The following LRRN2 variants were observed in gnomAD, a reference collection of about 807,000 sequenced individuals.
LRRN2 encodes the protein leucine-rich repeat neuronal protein 2.
A neutral mutation model predicts 35.7 loss-of-function variants in LRRN2; 10 were observed. The observed-to-expected ratio is 0.28, with a 90% confidence interval of 0.17 to 0.47. LRRN2 has a LOEUF of 0.47. LRRN2 is among the 20% of genes least tolerant of loss of function. The pLI, the probability that LRRN2 is intolerant of heterozygous loss-of-function variation, is 0.99. For missense variants in LRRN2, 731 were observed against 940.3 expected (o/e 0.78, Z 2.91); for synonymous variants, 391 against 409.6 (o/e 0.95, Z 0.55).
chr1:204,626,818 T>A (rs1008127546), intron 1 of LRRN2: 1 of 152,138 alleles, frequency 6.6e-6, no homozygotes, highest in African/African-American at 2.4e-5. Flanking sequence ...ACGATCTACA[T>A]TAAAAAAATG....
At chr1:204,670,837 A>C (rs1668694330) in intron 1 of LRRN2, among the ~76,000 whole-genome samples, 1 of 152,226 alleles carries the variant, frequency 6.6e-6, no homozygotes, top group South Asian at 2.1e-4. Flanking sequence ...GCCAGACTGA[A>C]GCAGGGCTGG....
chr1:204,619,669 G>A lies in LRRN2; in HGVS notation c.324C>T (p.Ala108=). 2 of 1,614,196 alleles carry A rather than the reference G, an allele frequency of 1.2e-6. No individual in the cohort carries two copies. Among genetic ancestry groups the A allele is most frequent in the Non-Finnish European group, 8.5e-7 (1 of 1,180,012 alleles). ...LDLSQNSFSD[A]RDCDFHALPQ... ...GCAGGGCATGGAAATCACAGTCTCGGGCATCCGAAAAGCTGTTCTGGGACA... is the reference window on the plus strand; with the variant it reads ...GCAGGGCATGGAAATCACAGTCTCGAGCATCCGAAAAGCTGTTCTGGGACA... Residue 108 remains alanine (A), a synonymous_variant, in exon 2 of 2, where the codon GCC becomes GCT. Coordinates refer to ENST00000367177, the MANE Select transcript of LRRN2 (RefSeq NM_201630.2).
chr1:204,671,403 TTGTGTGTG>T (rs60084787), intron 1 of LRRN2, among the ~76,000 whole-genome samples: 218 of 122,990 alleles, frequency 1.8e-3, no homozygotes, highest in African/African-American at 6.0e-3. Flanking sequence ...GTTTGTGTGT[TTGTGTGTG>T]TGTGTGTGTG....
chr1:204,678,517 A>G (rs768901883), intron 1 of LRRN2, among the ~76,000 whole-genome samples: 5 of 152,110 alleles, frequency 3.3e-5, no homozygotes, highest in Non-Finnish European at 7.4e-5. Context: ...ACTCTGAGGA[A>G]AAAATCCCCC....
At chr1:204,630,385 C>G (rs1411049545) in intron 1 of LRRN2, among the ~76,000 whole-genome samples, 1 of 152,098 alleles carries the variant, frequency 6.6e-6, no homozygotes, top group Admixed American at 6.6e-5. Flanking sequence ...GAATGGGGAG[C>G]AGCCCAGTTA....
intron 1 of LRRN2, among the ~76,000 whole-genome samples, chr1:204,623,495 C>G (rs1423236995): frequency 6.6e-6 from 1 of 152,242 alleles, no homozygotes; most frequent in Non-Finnish European, 1.5e-5. Context: ...CACTGCACCT[C>G]TGACCCCAAG....
At chr1:204,654,276 C>T (rs72753878) in intron 1 of LRRN2, among the ~76,000 whole-genome samples, 1 of 152,048 alleles carries the variant, frequency 6.6e-6, no homozygotes, top group Non-Finnish European at 1.5e-5. Flanking sequence ...AGAAGGGGTA[C>T]GAGGAGCCTT....
intron 1 of LRRN2, among the ~76,000 whole-genome samples, chr1:204,651,962 G>A (rs1668234788): frequency 6.6e-6 from 1 of 152,214 alleles, no homozygotes; most frequent in Non-Finnish European, 1.5e-5. Context: ...GCCCCTGCCA[G>A]GGCCCAGGTG....
chr1:204,680,637 G>A (rs1405548343), intron 1 of LRRN2, among the ~76,000 whole-genome samples: 2 of 152,220 alleles, frequency 1.3e-5, no homozygotes, highest in African/African-American at 4.8e-5. Context: ...CCCCCAGCAG[G>A]GATGCACCAG....
chr1:204,680,237 G>A (rs1190937977), intron 1 of LRRN2, among the ~76,000 whole-genome samples: 2 of 152,352 alleles, frequency 1.3e-5, no homozygotes, highest in African/African-American at 4.8e-5. Context: ...TGCAGGTAAA[G>A]CAGTTGGCAC....
chr1:204,662,732 C>G (rs1668497179), intron 1 of LRRN2, among the ~76,000 whole-genome samples: 1 of 152,308 alleles, frequency 6.6e-6, no homozygotes, highest in African/African-American at 2.4e-5. Flanking sequence ...TATCTGGGAA[C>G]TGGGACCTAA....
intron 1 of LRRN2, among the ~76,000 whole-genome samples, chr1:204,685,013 C>G (rs1265479410): frequency 6.6e-6 from 1 of 152,224 alleles, no homozygotes; most frequent in Non-Finnish European, 1.5e-5. Context: ...GGCGAAGGCC[C>G]AGGCGCCCTC....
chr1:204,638,702 G>A (rs1024063100), intron 1 of LRRN2, among the ~76,000 whole-genome samples: 30 of 152,126 alleles, frequency 2.0e-4, no homozygotes, highest in African/African-American at 5.3e-4. Flanking sequence ...GAGCCACCGC[G>A]CCCGGCCAGG....
intron 1 of LRRN2, among the ~76,000 whole-genome samples, chr1:204,637,530 C>T (rs866518108): frequency 4.1e-4 from 62 of 152,322 alleles, no homozygotes; most frequent in Middle Eastern, 6.8e-3. Context: ...GACCAGCTGA[C>T]CAGCTCTGCT....
intron 1 of LRRN2, among the ~76,000 whole-genome samples, chr1:204,649,501 G>A (rs952291937): frequency 5.9e-5 from 9 of 152,288 alleles, no homozygotes; most frequent in Middle Eastern, 3.4e-3. Context: ...AGGGTTGCCC[G>A]GGATGCTTTA....
At chr1:204,677,689 G>C (rs1668855087) in intron 1 of LRRN2, among the ~76,000 whole-genome samples, 1 of 152,172 alleles carries the variant, frequency 6.6e-6, no homozygotes, top group Non-Finnish European at 1.5e-5. Flanking sequence ...GAGATTCCCA[G>C]CATGCAGACC....
At chr1:204,672,256 C>T (rs1668730248) in intron 1 of LRRN2, among the ~76,000 whole-genome samples, 1 of 152,208 alleles carries the variant, frequency 6.6e-6, no homozygotes, top group Non-Finnish European at 1.5e-5. Context: ...TAGGAGCTTT[C>T]TGTCTAGTCC....
intron 1 of LRRN2, among the ~76,000 whole-genome samples, chr1:204,672,231 C>T (rs935014328): frequency 1.3e-5 from 2 of 152,218 alleles, no homozygotes; most frequent in African/African-American, 4.8e-5. Context: ...GTAGGTATAG[C>T]ACAAAGCCAG....
intron 1 of LRRN2, among the ~76,000 whole-genome samples, chr1:204,651,642 C>T (rs1668227293): frequency 6.6e-6 from 1 of 152,120 alleles, no homozygotes; most frequent in African/African-American, 2.4e-5. Flanking sequence ...GATGGCTTGT[C>T]ACCATATGGC....
Sources: gnomAD v4.1 joint callset for allele counts (sites outside exome capture counted in the v4.1 genomes callset) on GRCh38, gnomAD v4.1.1 for gene constraint, MANE v1.5 for transcripts, NCBI Gene and HGNC (gene_info 2026-07-23, HGNC 2026-07-21) for gene names.